GNAO1: variants seen among roughly 807,000 people sequenced by gnomAD.
GNAO1 encodes the protein G protein subunit alpha o1.
For synonymous variants in GNAO1, 164 were observed against 180.7 expected, an observed-to-expected ratio of 0.91 and a Z score of 0.74; for missense variants, 166 against 478.7, an observed-to-expected ratio of 0.35 and a Z score of 6.10.
At chr16:56,273,768 G>A (rs1383421488) in intron 2 of GNAO1, among the ~76,000 whole-genome samples, 1 of 152,200 alleles carries the variant, frequency 6.6e-6, no homozygotes, top group African/African-American at 2.4e-5. Flanking sequence ...CAGCCCCGTT[G>A]CTATGGCATG....
chr16:56,251,365 CAAGTGAAATCAAGTTCACTTCTGT>C (rs1243568934), intron 2 of GNAO1, among the ~76,000 whole-genome samples: 1 of 152,200 alleles, frequency 6.6e-6, no homozygotes, highest in African/African-American at 2.4e-5. Flanking sequence ...AAAACTTCTA[CAAGTGAAATCAAGTTCACTTCTGT>C]AAGTGAAATC....
rs187000051 is a variant in GNAO1, at chr16:56,244,850, T to C, written c.162-31081T>C. ...GCTCAGAGTCCACCACCGCTTCTGC[T>C]CTTCCTACAGGCAGAAGGCAAAGGC... is the stretch of plus-strand genomic sequence containing the variant. On this transcript the variant is annotated intron_variant, in intron 2 of 8. Transcript: ENST00000262493. Among the ~76,000 whole-genome samples the C allele has an allele frequency of 1.2e-3, 189 of 152,244 alleles. 1 individual carries two copies. The highest frequency in any genetic ancestry group is 4.4e-3 in the African/African-American group (184 of 41,532).
intron 2 of GNAO1, among the ~76,000 whole-genome samples, chr16:56,269,415 A>T (rs1353590646): frequency 3.3e-5 from 5 of 152,114 alleles, no homozygotes; most frequent in African/African-American, 1.2e-4. Flanking sequence ...GACTGACTGC[A>T]CGTTCTCCCC....
At chr16:56,301,826 C>T (rs190342774) in intron 3 of GNAO1, 2 of 152,202 alleles carry the variant, frequency 1.3e-5, no homozygotes, top group Admixed American at 1.3e-4. Context: ...GTGCTGAGCA[C>T]CTGACTGCAC....
intron 2 of GNAO1, among the ~76,000 whole-genome samples, chr16:56,200,184 T>C (rs2036270306): frequency 6.6e-6 from 1 of 152,154 alleles, no homozygotes; most frequent in East Asian, 1.9e-4. Context: ...TGTGAATTAA[T>C]TAGGTGTTTA....
At chr16:56,233,135 T>C (rs187752135) in intron 2 of GNAO1, among the ~76,000 whole-genome samples, 45 of 152,368 alleles carry the variant, frequency 3.0e-4, no homozygotes, top group Non-Finnish European at 1.5e-5. Context: ...GGAGTGCTCA[T>C]AGTACCTGGC....
At chr16:56,334,334 T>C (rs1414814392) in intron 4 of GNAO1, among the ~76,000 whole-genome samples, 2 of 152,248 alleles carry the variant, frequency 1.3e-5, no homozygotes, top group Admixed American at 1.3e-4. Flanking sequence ...CCAGTTTTAG[T>C]ACATTTAACT....
chr16:56,299,691 G>A (rs1262233816), intron 3 of GNAO1, among the ~76,000 whole-genome samples: 2 of 152,174 alleles, frequency 1.3e-5, no homozygotes, highest in African/African-American at 2.4e-5. Context: ...ATATTTATGT[G>A]GAACTGAGCT....
Position 56,328,853 on chromosome 16 carries a change from G to A in GNAO1, c.464+62G>A, listed in dbSNP as rs1240826417. ...CAGTGATGCGGGAGTGGAAGGGACTGGTGATGGGGATTGGCAGAGCAAGGA... is the reference window on the plus strand; with the variant it reads ...CAGTGATGCGGGAGTGGAAGGGACTAGTGATGGGGATTGGCAGAGCAAGGA... On this transcript the variant is annotated intron_variant, in intron 4 of 8. Transcript: ENST00000262493. 5 of 1,536,188 alleles carry A rather than the reference G, an allele frequency of 3.3e-6. No homozygotes were observed. In the Admixed American group the frequency reaches 5.1e-5, roughly 16 times the overall value.
chr16:56,259,721 A>C (rs778554902), intron 2 of GNAO1, among the ~76,000 whole-genome samples: 1 of 152,228 alleles, frequency 6.6e-6, no homozygotes, highest in Non-Finnish European at 1.5e-5. Context: ...TGTGGTAAGG[A>C]TTAAGCTAGA....
intron 6 of GNAO1, among the ~76,000 whole-genome samples, chr16:56,338,849 C>T (rs1461683567): frequency 1.3e-5 from 2 of 152,252 alleles, no homozygotes; most frequent in Admixed American, 6.5e-5. Context: ...TTCCAGCCTG[C>T]GGGCCTTGCT....
At chr16:56,218,547 A>T (rs2036456105) in intron 2 of GNAO1, among the ~76,000 whole-genome samples, 1 of 152,036 alleles carries the variant, frequency 6.6e-6, no homozygotes. Context: ...GGCCACCAGC[A>T]CTTGAGCAGG....
chr16:56,208,458 CGCACGT>C (rs1457804950), intron 2 of GNAO1, among the ~76,000 whole-genome samples: 8 of 126,514 alleles, frequency 6.3e-5, no homozygotes, highest in East Asian at 2.1e-4. Flanking sequence ...TGCGCGCGCG[CGCACGT>C]GTGTGTGTGT....
In GNAO1 at chr16:56,336,818, G is replaced by T. The variant is rs770769352; in HGVS notation, c.681G>T (p.Ala227=). 2 of 1,613,386 alleles carry T rather than the reference G, an allele frequency of 1.2e-6. No homozygotes were observed. The highest frequency in any genetic ancestry group is 1.6e-4 in the Middle Eastern group (1 of 6,062). Residue 227 remains alanine (A), a synonymous_variant, in exon 6 of 9, where the codon GCG becomes GCT. Coordinates refer to ENST00000262493, the MANE Select transcript of GNAO1 (RefSeq NM_020988.3). The part of the protein sequence containing the change: ...EDVTAIIFCV[A]LSGYDQVLHE... ...TCACGGCCATCATTTTCTGTGTCGC[G>T]CTCAGCGGCTATGACCAGGTGCTCC...
chr16:56,261,008 G>A lies in GNAO1; in HGVS notation c.162-14923G>A, dbSNP rs1255505515. Among the ~76,000 whole-genome samples the A allele has an allele frequency of 2.6e-5, 4 of 152,214 alleles. No homozygotes were observed. The East Asian group carries it at 7.7e-4, about 29-fold the overall frequency. ...AGGGAACCAGAAGGATGTGGCTCAC[G>A]TCCATGTAGTCAGAGATGTTTGGGG... is the stretch of plus-strand genomic sequence containing the variant. On this transcript the variant is annotated intron_variant, in intron 2 of 8. Transcript: ENST00000262493.
intron 2 of GNAO1, among the ~76,000 whole-genome samples, chr16:56,220,910 G>A (rs1047942638): frequency 1.3e-5 from 2 of 152,148 alleles, no homozygotes; most frequent in East Asian, 3.9e-4. Context: ...ACCGCGACCT[G>A]CTGATTTTTG....
At chr16:56,299,765 G>C (rs988760861) in intron 3 of GNAO1, among the ~76,000 whole-genome samples, 1 of 152,112 alleles carries the variant, frequency 6.6e-6, no homozygotes, top group Non-Finnish European at 1.5e-5. Context: ...CAATCCAGAT[G>C]ATGAGGAAGC....
At chr16:56,300,330 CA>C (rs1418250683) in intron 3 of GNAO1, among the ~76,000 whole-genome samples, 1 of 152,182 alleles carries the variant, frequency 6.6e-6, no homozygotes, top group Non-Finnish European at 1.5e-5. Flanking sequence ...TCAGGCGGTA[CA>C]GAGAATTTAA....
intron 2 of GNAO1, among the ~76,000 whole-genome samples, chr16:56,203,584 CAAAG>C (rs1372528959): frequency 2.0e-5 from 3 of 152,032 alleles, no homozygotes; most frequent in East Asian, 3.9e-4. Context: ...AGAAGAAACA[CAAAG>C]AGAGAGGGAG....
Sources: gnomAD v4.1 joint callset for allele counts (sites outside exome capture counted in the v4.1 genomes callset) on GRCh38, gnomAD v4.1.1 for gene constraint, MANE v1.5 for transcripts, NCBI Gene and HGNC (gene_info 2026-07-23, HGNC 2026-07-21) for gene names.